The following SIAH2 variants were observed in gnomAD, a reference collection of about 807,000 sequenced individuals.
The protein encoded by SIAH2 is E3 ubiquitin-protein ligase SIAH2.
SIAH2 carries 4 observed loss-of-function variants against 20.4 expected under a neutral mutation model. The ratio of observed to expected loss-of-function variants is 0.20; its 90% CI spans 0.10 to 0.45. SIAH2 has a LOEUF of 0.45. SIAH2 is among the 20% of genes least tolerant of loss of function. SIAH2 has a pLI of 0.99. For synonymous variants in SIAH2, 171 were observed against 192.5 expected, an observed-to-expected ratio of 0.89 and a Z score of 0.93; for missense variants, 259 against 440.3, an observed-to-expected ratio of 0.59 and a Z score of 3.69.
At chr3:150,749,453 G>A (rs552708343) in intron 1 of SIAH2, among the ~76,000 whole-genome samples, 121 of 152,200 alleles carry the variant, frequency 8.0e-4, no homozygotes, top group Admixed American at 1.7e-3. Context: ...TCAGTGAGCC[G>A]TGATTGTACC....
At chr3:150,747,608 AAC>A (rs369033384) in intron 1 of SIAH2, among the ~76,000 whole-genome samples, 24 of 150,228 alleles carry the variant, frequency 1.6e-4, no homozygotes, top group Admixed American at 2.0e-4. Context: ...ATCTCTAAAG[AAC>A]ACACACACAC....
chr3:150,752,150 C>A (rs918447604), intron 1 of SIAH2, among the ~76,000 whole-genome samples: 1 of 152,232 alleles, frequency 6.6e-6, no homozygotes, highest in Non-Finnish European at 1.5e-5. Flanking sequence ...ACCAGTACCA[C>A]ACCCACCCTT....
intron 1 of SIAH2, among the ~76,000 whole-genome samples, chr3:150,745,274 C>CAG (rs1440616561): frequency 7.3e-5 from 11 of 151,150 alleles, no homozygotes; most frequent in African/African-American, 2.7e-4. Flanking sequence ...CACACACACA[C>CAG]ACACCCCACA....
At chr3:150,751,294 C>T (rs540847023) in intron 1 of SIAH2, among the ~76,000 whole-genome samples, 2 of 151,942 alleles carry the variant, frequency 1.3e-5, no homozygotes, top group Non-Finnish European at 2.9e-5. Flanking sequence ...ATTAGCCGGG[C>T]GTGGCAGCAT....
intron 1 of SIAH2, among the ~76,000 whole-genome samples, chr3:150,752,755 G>A (rs908654721): frequency 6.6e-6 from 1 of 152,092 alleles, no homozygotes; most frequent in African/African-American, 2.4e-5. Context: ...GTATTTATCT[G>A]GCAACCCTAA....
intron 1 of SIAH2, among the ~76,000 whole-genome samples, chr3:150,760,747 C>A (rs1226542194): frequency 2.0e-5 from 3 of 152,196 alleles, no homozygotes; most frequent in Non-Finnish European, 1.5e-5. Flanking sequence ...GAAAATGGCT[C>A]CCCAGAAATC....
intron 1 of SIAH2, among the ~76,000 whole-genome samples, chr3:150,758,668 T>G (rs1714536622): frequency 6.6e-6 from 1 of 151,004 alleles, no homozygotes; most frequent in Admixed American, 6.6e-5. Flanking sequence ...CCTCCTGGGT[T>G]CAAGCGATTC....
chr3:150,760,598 A>G (rs1714584724), intron 1 of SIAH2, among the ~76,000 whole-genome samples: 1 of 152,252 alleles, frequency 6.6e-6, no homozygotes, highest in African/African-American at 2.4e-5. Flanking sequence ...TGGGAACAAC[A>G]CAATTCTATT....
Position 150,761,281 on chromosome 3 carries a change from T to C in SIAH2, c.417+1152A>G, listed in dbSNP as rs117960604. ...AATTTCAGAAAATGACTTTACAGTA[T>C]ACTTCTAGGTTATAACGTAGACAAG... On this transcript the variant is annotated intron_variant, in intron 1 of 1. Coordinates refer to ENST00000312960, the MANE Select transcript of SIAH2 (RefSeq NM_005067.7). Among the ~76,000 whole-genome samples the C allele has an allele frequency of 8.0e-4, 122 of 152,366 alleles. 1 individual carries two copies. The East Asian group carries it at 0.018, about 23-fold the overall frequency.
At chr3:150,753,041 C>G (rs550820562) in intron 1 of SIAH2, among the ~76,000 whole-genome samples, 1 of 152,358 alleles carries the variant, frequency 6.6e-6, no homozygotes, top group South Asian at 2.1e-4. Flanking sequence ...ACACAGCCTC[C>G]TTATGAGCTT....
chr3:150,746,930 C>G (rs925328187), intron 1 of SIAH2, among the ~76,000 whole-genome samples: 2 of 152,206 alleles, frequency 1.3e-5, no homozygotes, highest in Non-Finnish European at 2.9e-5. Context: ...CCATTCTACC[C>G]GTTTTATTCA....
intron 1 of SIAH2, among the ~76,000 whole-genome samples, chr3:150,759,075 T>A (rs1714547196): frequency 6.6e-6 from 1 of 151,980 alleles, no homozygotes; most frequent in Admixed American, 6.6e-5. Context: ...AGAGACAGGG[T>A]TTCACTATGT....
chr3:150,752,375 G>A (rs1028630976), intron 1 of SIAH2, among the ~76,000 whole-genome samples: 2 of 152,354 alleles, frequency 1.3e-5, no homozygotes, highest in Non-Finnish European at 2.9e-5. Flanking sequence ...TTGGGAGGCC[G>A]AGGCAGGCGG....
At chr3:150,761,143 A>C (rs1425265503) in intron 1 of SIAH2, among the ~76,000 whole-genome samples, 1 of 152,234 alleles carries the variant, frequency 6.6e-6, no homozygotes, top group African/African-American at 2.4e-5. Context: ...CTCTTGTCCT[A>C]TAAAATAAGC....
At chr3:150,757,612 C>T (rs571968456) in intron 1 of SIAH2, among the ~76,000 whole-genome samples, 18 of 151,992 alleles carry the variant, frequency 1.2e-4, no homozygotes, top group South Asian at 4.2e-4. Context: ...CGTGGTGGTT[C>T]GCTTTGTCTG....
At chr3:150,749,286 C>A (rs1714300058) in intron 1 of SIAH2, among the ~76,000 whole-genome samples, 2 of 152,026 alleles carry the variant, frequency 1.3e-5, no homozygotes, top group African/African-American at 4.8e-5. Flanking sequence ...ACTGCTTGAG[C>A]CCAGGAGTTC....
intron 1 of SIAH2, among the ~76,000 whole-genome samples, chr3:150,754,775 T>C (rs190903567): frequency 6.6e-6 from 1 of 152,024 alleles, no homozygotes; most frequent in Non-Finnish European, 1.5e-5. Context: ...ATAATACATA[T>C]AATTTAAAAT....
chr3:150,763,069 C>G lies in SIAH2; in HGVS notation c.-220G>C. On this transcript the variant is annotated 5_prime_UTR_variant, in exon 1 of 2. Transcript: ENST00000312960. The surrounding 1 kb of genome is among the most constrained non-coding windows in gnomAD (Gnocchi z 4.1). ...GTTCCGAGCACGCCTCCGCGTCGGACCCCGCGCGGTGCCCTCCTCCCGGCG... is the reference window on the plus strand; with the variant it reads ...GTTCCGAGCACGCCTCCGCGTCGGAGCCCGCGCGGTGCCCTCCTCCCGGCG... 3.3e-6 allele frequency: 1 copy of G among 303,398 alleles called. No homozygotes were observed. Among genetic ancestry groups the G allele is most frequent in the Non-Finnish European group, 5.0e-6 (1 of 198,716 alleles). The allele number at this position is 303,398 out of a possible 1,614,324, so 18.8% of individuals were successfully genotyped here. A position where few individuals can be genotyped will look rare whatever the true frequency, so the allele number is the denominator to read the frequency against.
At chr3:150,756,721 T>C (rs114972324) in intron 1 of SIAH2, among the ~76,000 whole-genome samples, 74 of 152,352 alleles carry the variant, frequency 4.9e-4, no homozygotes, top group African/African-American at 1.7e-3. Flanking sequence ...CCATATAGTA[T>C]TCTAATGCTT....
Sources: allele counts gnomAD v4.1 joint callset (sites outside exome capture counted in the v4.1 genomes callset), GRCh38; gene constraint gnomAD v4.1.1; non-coding constraint Gnocchi (gnomAD v3.1); transcripts MANE v1.5; gene names NCBI Gene and HGNC (gene_info 2026-07-23, HGNC 2026-07-21).